Variants in PRKCE observed in about 807,000 individuals in gnomAD.
PRKCE encodes protein kinase C epsilon type.
PRKCE carries 16 observed loss-of-function variants against 85.4 expected under a neutral mutation model. The observed-to-expected ratio is 0.19, with a 90% CI of 0.13 to 0.28. The LOEUF (loss-of-function observed/expected upper bound fraction) is 0.28. Ranked by LOEUF, PRKCE falls within the 10% of genes least tolerant of loss-of-function variation. PRKCE has a pLI of 1.00. For missense variants in PRKCE, 573 were observed against 975.2 expected (o/e 0.59, Z 5.49); for synonymous variants, 388 against 371.5 (o/e 1.04, Z -0.51).
intron 2 of PRKCE, among the ~76,000 whole-genome samples, chr2:45,884,273 T>C (rs114204365): frequency 0.011 from 1,642 of 152,276 alleles, 21 homozygotes; most frequent in African/African-American, 0.037. Context: ...TCCTCCTTGA[T>C]AAAATAGAAA....
At position 45,905,299 on chromosome 2, in the gene PRKCE, C is replaced by CA. The variant is rs201964773; in HGVS notation, c.412+62245dup. Among the ~76,000 whole-genome samples, 43 of 150,216 alleles carry CA rather than the reference C, an allele frequency of 2.9e-4. No homozygotes were observed. The highest frequency in any genetic ancestry group is 1.0e-3 in the African/African-American group (41 of 40,982). ...TGGTAGTGGGAAAACAGGGAAGCTC[C>CA]AAAAAAAAAGTAACTCAGAGGTCAA... On this transcript the variant is annotated intron_variant, in intron 2 of 14. Transcript: ENST00000306156. The surrounding 1 kb of genome is among the most constrained non-coding windows in gnomAD (Gnocchi z 4.4).
intron 6 of PRKCE, among the ~76,000 whole-genome samples, chr2:45,985,430 GC>G (rs1159724048): frequency 2.0e-5 from 3 of 152,086 alleles, no homozygotes; most frequent in Non-Finnish European, 4.4e-5. Flanking sequence ...CAGCCTGCTT[GC>G]ACGGTTGGGC....
At chr2:45,836,679 C>A (rs549714005) in intron 1 of PRKCE, among the ~76,000 whole-genome samples, 5 of 152,294 alleles carry the variant, frequency 3.3e-5, no homozygotes, top group African/African-American at 1.2e-4. Context: ...GCTTTGGGAA[C>A]CAGTCCCCCA....
intron 1 of PRKCE, among the ~76,000 whole-genome samples, chr2:45,835,183 G>A (rs1464470098): frequency 7.2e-5 from 11 of 152,218 alleles, no homozygotes; most frequent in East Asian, 1.9e-4. Context: ...TAAATGCTCC[G>A]AGGGTGGGAA....
chr2:45,798,555 T>G (rs1217914216), intron 1 of PRKCE, among the ~76,000 whole-genome samples: 1 of 152,220 alleles, frequency 6.6e-6, no homozygotes, highest in Admixed American at 6.5e-5. Flanking sequence ...GCTTGACAAA[T>G]ATACCTTCAG....
chr2:45,796,159 C>T (rs1687418468), intron 1 of PRKCE, among the ~76,000 whole-genome samples: 1 of 152,174 alleles, frequency 6.6e-6, no homozygotes, highest in Non-Finnish European at 1.5e-5. Context: ...TCTCCAGGTT[C>T]TCCATTCCCA....
chr2:45,722,038 G>A (rs1680669396), intron 1 of PRKCE, among the ~76,000 whole-genome samples: 1 of 150,998 alleles, frequency 6.6e-6, no homozygotes, highest in Admixed American at 6.6e-5. Context: ...GTTTATTTGG[G>A]GTACACCTAT....
intron 14 of PRKCE, among the ~76,000 whole-genome samples, chr2:46,183,782 T>A (rs1680223792): frequency 6.6e-6 from 1 of 152,136 alleles, no homozygotes; most frequent in Admixed American, 6.5e-5. Flanking sequence ...TTAGCCCAAA[T>A]CCCAACTTCT....
At chr2:46,009,652 A>G (rs1705492405) in intron 9 of PRKCE, among the ~76,000 whole-genome samples, 1 of 152,242 alleles carries the variant, frequency 6.6e-6, no homozygotes, top group Non-Finnish European at 1.5e-5. Context: ...GAGGGTTTCC[A>G]TCTTACAAAT....
intron 2 of PRKCE, among the ~76,000 whole-genome samples, chr2:45,964,032 G>A (rs149622435): frequency 6.9e-4 from 105 of 152,330 alleles, no homozygotes; most frequent in African/African-American, 2.4e-3. Flanking sequence ...GCCTGCCACT[G>A]ACTGGGTGAT....
intron 1 of PRKCE, among the ~76,000 whole-genome samples, chr2:45,837,342 C>T (rs1352979518): frequency 6.6e-6 from 1 of 152,182 alleles, no homozygotes; most frequent in Non-Finnish European, 1.5e-5. Flanking sequence ...CTGCAGCCTC[C>T]GCCTCCCAGG....
intron 1 of PRKCE, among the ~76,000 whole-genome samples, chr2:45,731,303 C>T (rs1177227812): frequency 1.3e-5 from 2 of 152,218 alleles, no homozygotes; most frequent in East Asian, 3.8e-4. Context: ...AGAGCAGCTC[C>T]ATTCCTTGTG....
intron 1 of PRKCE, among the ~76,000 whole-genome samples, chr2:45,700,843 A>T (rs949540630): frequency 6.6e-6 from 1 of 152,202 alleles, no homozygotes; most frequent in Non-Finnish European, 1.5e-5. Flanking sequence ...GCAGAGGCAG[A>T]TGCAGGGAGA....
At chr2:45,818,632 C>G (rs1363457899) in intron 1 of PRKCE, among the ~76,000 whole-genome samples, 1 of 152,202 alleles carries the variant, frequency 6.6e-6, no homozygotes, top group Non-Finnish European at 1.5e-5. Flanking sequence ...CTAGGCCAGC[C>G]CTTTGAGCTG....
At chr2:45,892,823 A>G (rs528396851) in intron 2 of PRKCE, among the ~76,000 whole-genome samples, 1 of 152,236 alleles carries the variant, frequency 6.6e-6, no homozygotes, top group Non-Finnish European at 1.5e-5. Flanking sequence ...AGCCTGCACC[A>G]GTATAGAACT....
intron 1 of PRKCE, among the ~76,000 whole-genome samples, chr2:45,753,063 A>G (rs553981240): frequency 3.2e-4 from 49 of 152,264 alleles, no homozygotes; most frequent in African/African-American, 1.1e-3. Flanking sequence ...GTCAGGGCAC[A>G]GGGTGTAGGG....
At chr2:45,838,524 G>A (rs889162965) in intron 1 of PRKCE, among the ~76,000 whole-genome samples, 1 of 152,112 alleles carries the variant, frequency 6.6e-6, no homozygotes, top group Non-Finnish European at 1.5e-5. Flanking sequence ...CGATGCCCCC[G>A]AATACCCTGG....
intron 2 of PRKCE, among the ~76,000 whole-genome samples, chr2:45,936,998 C>G (rs1489384697): frequency 6.6e-6 from 1 of 152,154 alleles, no homozygotes; most frequent in Non-Finnish European, 1.5e-5. Flanking sequence ...CAGACACAAG[C>G]CTTCCAGTAC....
chr2:45,951,000 T>C (rs1335704510), intron 2 of PRKCE, among the ~76,000 whole-genome samples: 2 of 152,094 alleles, frequency 1.3e-5, no homozygotes, highest in African/African-American at 2.4e-5. Context: ...CTCCAAATAG[T>C]GTCCTTGTAC....
Sources: gnomAD v4.1 joint callset for allele counts (sites outside exome capture counted in the v4.1 genomes callset) on GRCh38, gnomAD v4.1.1 for gene constraint, Gnocchi (gnomAD v3.1) non-coding constraint, MANE v1.5 for transcripts, NCBI Gene and HGNC (gene_info 2026-07-23, HGNC 2026-07-21) for gene names.